Variants in ADNP observed in about 807,000 individuals in gnomAD.
ADNP encodes the protein activity dependent neuroprotector homeobox.
Under a neutral mutation model 84.9 loss-of-function variants are expected in ADNP, and 4 were observed. The observed-to-expected ratio is 0.05, with a 90% CI of 0.02 to 0.11. ADNP has a LOEUF of 0.11. ADNP is among the 10% of genes least tolerant of loss of function. The pLI is 1.00. For missense variants in ADNP, 1,132 were observed against 1,326.0 expected (o/e 0.85, Z 2.27); for synonymous variants, 554 against 468.1 (o/e 1.18, Z -2.37).
rs1045825663 is a variant in ADNP, at chr20:50,893,923, C to G, written c.791G>C (p.Arg264Pro). 3 of 1,613,968 alleles carry G rather than the reference C, an allele frequency of 1.9e-6. No homozygotes were observed. The highest frequency in any genetic ancestry group is 2.5e-6 in the Non-Finnish European group (3 of 1,179,954). The change falls in exon 6 of 6, where the codon CGA (arginine) becomes CCA (proline). Residue 264 changes from arginine to proline, a missense_variant. By Grantham distance (103) the Arg-to-Pro change is moderately radical. Coordinates refer to ENST00000621696, the MANE Select transcript of ADNP (RefSeq NM_001282531.3). This position sits in a 1 kb window ranked among gnomAD's most constrained non-coding sequence, Gnocchi z 4.4. Reference sequence around the variant, plus strand: ...AGCAATTAGCATCAAGGGTTTGGATCGGGGAACCACTACATTTGTGTGCCC... The same window carrying G: ...AGCAATTAGCATCAAGGGTTTGGATGGGGGAACCACTACATTTGTGTGCCC... The part of the protein sequence containing the change: ...MIGHTNVVVP[R>P]SKPLMLIAPK...
intron 5 of ADNP, among the ~76,000 whole-genome samples, chr20:50,898,742 A>C (rs1395343222): frequency 6.6e-6 from 1 of 152,252 alleles, no homozygotes; most frequent in Non-Finnish European, 1.5e-5. Flanking sequence ...TAAACCATGC[A>C]CAAGAATGAT....
rs748420565 is a variant in ADNP at position 50,893,723 on chromosome 20, T to A, written c.991A>T (p.Asn331Tyr). 27 of 1,614,018 alleles carry A rather than the reference T, an allele frequency of 1.7e-5. No homozygotes were observed. The highest frequency in any genetic ancestry group is 2.1e-5 in the Non-Finnish European group (25 of 1,180,036). ...TGGCCTACAGATTTGACTCCATAGT[T>A]GTTCTGCTGCAGATGAACACTGGAC... ...MMSSVHLQQNNYGVKSVGQGY... is the reference protein window; with the variant it reads ...MMSSVHLQQNYYGVKSVGQGY... Residue 331 changes from asparagine to tyrosine, a missense_variant, in exon 6 of 6, where the codon AAC (asparagine) becomes TAC (tyrosine). Coordinates refer to ENST00000621696, the MANE Select transcript of ADNP (RefSeq NM_001282531.3). The surrounding 1 kb of genome is among the most constrained non-coding windows in gnomAD (Gnocchi z 4.4).
chr20:50,893,054 A>T lies in ADNP; in HGVS notation c.1660T>A (p.Leu554Met). ...ATGTTAGTGTGACTACCCTGCTGCA[A>T]TGTCAAATCAAAACTCAAAGTAGAA... The part of the protein sequence containing the change: ...TDSTLSFDLT[L>M]QQGSHTNIHL... Residue 554 changes from leucine to methionine, a missense_variant, in exon 6 of 6, where the codon TTG (leucine) becomes ATG (methionine). Physicochemically the swap from Leu to Met is conservative, Grantham distance 15 (BLOSUM62 2). This residue lies in a region of ADNP where 87 missense variants were observed against 181.4 expected (regional missense o/e 0.48). Transcript: ENST00000621696. This position sits in a 1 kb window ranked among gnomAD's most constrained non-coding sequence, Gnocchi z 4.4. The T allele has an allele frequency of 6.2e-7, 1 of 1,614,250 alleles. No homozygotes were observed. Among genetic ancestry groups the T allele is most frequent in the Non-Finnish European group, 8.5e-7 (1 of 1,180,046 alleles).
At chr20:50,908,873 G>A (rs147559302) in intron 2 of ADNP, among the ~76,000 whole-genome samples, 254 of 152,198 alleles carry the variant, frequency 1.7e-3, no homozygotes, top group African/African-American at 5.7e-3. Flanking sequence ...GAATAGATAA[G>A]AAATTGTCTC....
intron 2 of ADNP, among the ~76,000 whole-genome samples, chr20:50,925,224 C>G (rs1984206418): frequency 6.6e-6 from 1 of 151,662 alleles, no homozygotes; most frequent in Admixed American, 6.6e-5. Flanking sequence ...AAAACTGTCA[C>G]TTTCCACAGT....
intron 5 of ADNP, among the ~76,000 whole-genome samples, chr20:50,896,324 T>G (rs1442964533): frequency 6.6e-6 from 1 of 151,620 alleles, no homozygotes; most frequent in African/African-American, 2.4e-5. Context: ...AAAATTTGTT[T>G]TAAAAAAAAA....
chr20:50,909,300 T>C (rs1388078485), intron 2 of ADNP, among the ~76,000 whole-genome samples: 1 of 131,298 alleles, frequency 7.6e-6, no homozygotes, highest in African/African-American at 2.9e-5. Flanking sequence ...GAGGCGGAGG[T>C]TGTGGTGAGC....
At chr20:50,910,439 T>C (rs1163713392) in intron 2 of ADNP, among the ~76,000 whole-genome samples, 1 of 152,192 alleles carries the variant, frequency 6.6e-6, no homozygotes. Context: ...CCTATGTTTC[T>C]ATAAGAAAGC....
chr20:50,899,087 A>G (rs1307644115), intron 5 of ADNP, among the ~76,000 whole-genome samples: 2 of 152,068 alleles, frequency 1.3e-5, no homozygotes, highest in Non-Finnish European at 2.9e-5. Flanking sequence ...TCAAAGATAC[A>G]GTATTCTTGG....
intron 2 of ADNP, among the ~76,000 whole-genome samples, chr20:50,918,599 T>G (rs1983694321): frequency 6.6e-6 from 1 of 152,228 alleles, no homozygotes; most frequent in Non-Finnish European, 1.5e-5. Flanking sequence ...AGGCCCTGAT[T>G]CACTCTGCCT....
At position 50,919,289 on chromosome 20, in the gene ADNP, GTGTATA is replaced by G. The variant is rs1213109465; in HGVS notation, c.-90+9356_-90+9361del. ...AGCCTGAAAAAATACATATATTTAAGTGTATATATATATATATATATATATATGTAA... is the reference window on the plus strand; with the variant it reads ...AGCCTGAAAAAATACATATATTTAAGTATATATATATATATATATATGTAA... On this transcript the variant is annotated intron_variant, in intron 2 of 5. Transcript: ENST00000621696. Among the ~76,000 whole-genome samples, 609 of 64,686 alleles carry G rather than the reference GTGTATA, an allele frequency of 9.4e-3. 29 individuals carry two copies. The highest frequency in any genetic ancestry group is 0.031 in the African/African-American group (568 of 18,146). The allele number at this position is 64,686 out of a possible 152,430, so 42.4% of individuals were successfully genotyped here.
intron 2 of ADNP, among the ~76,000 whole-genome samples, chr20:50,921,298 G>A (rs1370208995): frequency 6.6e-6 from 1 of 152,182 alleles, no homozygotes; most frequent in Non-Finnish European, 1.5e-5. Context: ...GCACAGTAGT[G>A]TTTTTATACA....
chr20:50,919,607 G>A (rs987540362), intron 2 of ADNP, among the ~76,000 whole-genome samples: 2 of 152,118 alleles, frequency 1.3e-5, no homozygotes, highest in African/African-American at 4.8e-5. Context: ...AAGAGGCGAT[G>A]TATCAGATGT....
rs1980810584 is a variant in ADNP at position 50,892,033 on chromosome 20, T to G, written c.2681A>C (p.Asp894Ala). 1 of 1,614,032 alleles carries G rather than the reference T, an allele frequency of 6.2e-7. No individual in the cohort carries two copies. The highest frequency in any genetic ancestry group is 1.7e-5 in the Admixed American group (1 of 59,996). ...TTTAGGTTCAACTTCAAAAACAGGGTCAAAAGGGCTACCACTTTCATTGGA... is the reference window on the plus strand; with the variant it reads ...TTTAGGTTCAACTTCAAAAACAGGGGCAAAAGGGCTACCACTTTCATTGGA... ...EESNESGSPFDPVFEVEPKIS... is the reference protein window; with the variant it reads ...EESNESGSPFAPVFEVEPKIS... Residue 894 changes from aspartate to alanine, a missense_variant, in exon 6 of 6, where the codon GAC (aspartate) becomes GCC (alanine). By Grantham distance (126) the Asp-to-Ala change is moderately radical (BLOSUM62 -2). Around this residue, in one of 10 missense-constraint regions of ADNP, gnomAD observed 381 missense variants for 319.9 expected, o/e 1.19. Coordinates refer to ENST00000621696, the MANE Select transcript of ADNP (RefSeq NM_001282531.3).
At position 50,931,254 on chromosome 20, in the gene ADNP, G is replaced by T. The variant is rs1359721218; in HGVS notation, c.-693C>A. The T allele has an allele frequency of 1.8e-5, 2 of 110,574 alleles. No homozygotes were observed. The highest frequency in any genetic ancestry group is 3.9e-5 in the Non-Finnish European group (2 of 50,954). The allele number at this position is 110,574 out of a possible 1,614,324, so 6.8% of individuals were successfully genotyped here. A position where few individuals can be genotyped will look rare whatever the true frequency, so the allele number is the denominator to read the frequency against. ...GGGGCACAAGATGGCGGCGGCCGGG[G>T]GGGGGGGGGCGGGAGTTCAGCTCAT... On this transcript the variant is annotated 5_prime_UTR_variant, in exon 1 of 6. Coordinates refer to ENST00000621696, the MANE Select transcript of ADNP (RefSeq NM_001282531.3).
intron 2 of ADNP, among the ~76,000 whole-genome samples, chr20:50,925,569 A>C (rs1191545955): frequency 1.3e-5 from 2 of 152,262 alleles, no homozygotes; most frequent in African/African-American, 2.4e-5. Flanking sequence ...CAATGGGCAA[A>C]GCATGGACGG....
intron 2 of ADNP, among the ~76,000 whole-genome samples, chr20:50,909,115 A>G (rs1377748779): frequency 1.3e-5 from 2 of 151,850 alleles, no homozygotes; most frequent in Non-Finnish European, 2.9e-5. Flanking sequence ...TCACGCCTAT[A>G]ATCCCAGCAC....
intron 2 of ADNP, among the ~76,000 whole-genome samples, chr20:50,924,284 A>T (rs993596460): frequency 1.3e-5 from 2 of 152,230 alleles, no homozygotes; most frequent in East Asian, 3.8e-4. Context: ...TGCTACTCCA[A>T]TTAACTGCCA....
intron 2 of ADNP, among the ~76,000 whole-genome samples, chr20:50,906,977 T>TG (rs1982546232): frequency 1.1e-4 from 2 of 18,996 alleles, no homozygotes; most frequent in African/African-American, 1.8e-4. Flanking sequence ...TTTTTTTTTG[T>TG]TTTTTTTTTT....
Sources: gnomAD v4.1 joint callset for allele counts (sites outside exome capture counted in the v4.1 genomes callset) on GRCh38, gnomAD v4.1.1 for gene constraint, gnomAD v4.1.1 regional missense constraint, Gnocchi (gnomAD v3.1) non-coding constraint, MANE v1.5 for transcripts, NCBI Gene and HGNC (gene_info 2026-07-23, HGNC 2026-07-21) for gene names.